CNTNAP2: variants seen among roughly 807,000 people sequenced by gnomAD.
CNTNAP2 encodes contactin associated protein 2, also known as contactin-associated protein-like 2.
CNTNAP2 carries 98 observed loss-of-function variants against 155.2 expected under a neutral mutation model. That is an observed-to-expected ratio of 0.63 (90% confidence interval 0.54 to 0.75). The LOEUF (loss-of-function observed/expected upper bound fraction) is 0.75, where lower values mean the gene tolerates loss of function less well. Among genes scored for constraint, CNTNAP2 ranks in the 30% least tolerant of loss-of-function variants. CNTNAP2 has a pLI of 0.00. For missense variants in CNTNAP2, 1,727 were observed against 1,688.1 expected, an observed-to-expected ratio of 1.02 and a Z score of -0.40; for synonymous variants, 651 against 631.2, an observed-to-expected ratio of 1.03 and a Z score of -0.47.
Position 147,120,656 on chromosome 7 carries a change from A to C in CNTNAP2, c.755-323A>C, listed in dbSNP as rs1404208406. 2.7e-5 allele frequency among the ~76,000 whole-genome samples: 4 copies of C among 150,812 alleles called. No homozygotes were observed. In the South Asian group the frequency reaches 8.4e-4, roughly 32 times the overall value. On this transcript the variant is annotated intron_variant, in intron 5 of 23. Coordinates refer to ENST00000361727, the MANE Select transcript of CNTNAP2 (RefSeq NM_014141.6). ...TTTCATTTATTATTATTATACTTTAAGTTTTAGGGTACATGTGCACAATGT... is the reference window on the plus strand; with the variant it reads ...TTTCATTTATTATTATTATACTTTACGTTTTAGGGTACATGTGCACAATGT...
chr7:146,752,589 G>A (rs569503961), intron 1 of CNTNAP2, among the ~76,000 whole-genome samples: 1 of 152,252 alleles, frequency 6.6e-6, no homozygotes, highest in Admixed American at 6.5e-5. Flanking sequence ...TCTGATGCTA[G>A]TTTCTTTTGC....
At chr7:147,794,810 C>T (rs1797868366) in intron 13 of CNTNAP2, among the ~76,000 whole-genome samples, 1 of 151,264 alleles carries the variant, frequency 6.6e-6, no homozygotes. Context: ...CTTTCTGGGT[C>T]AGTTTTGGTA....
chr7:148,199,571 T>C (rs1027652628), intron 18 of CNTNAP2, among the ~76,000 whole-genome samples: 1 of 152,196 alleles, frequency 6.6e-6, no homozygotes, highest in African/African-American at 2.4e-5. Flanking sequence ...TTTTCCTTTC[T>C]TGGACTCTAT....
At chr7:146,369,519 T>G (rs888897368) in intron 1 of CNTNAP2, among the ~76,000 whole-genome samples, 1 of 152,192 alleles carries the variant, frequency 6.6e-6, no homozygotes, top group African/African-American at 2.4e-5. Context: ...CATAGGAATT[T>G]ACGTTTTCAG....
intron 12 of CNTNAP2, among the ~76,000 whole-genome samples, chr7:147,575,927 G>A (rs1221490570): frequency 6.6e-6 from 1 of 151,902 alleles, no homozygotes; most frequent in Non-Finnish European, 1.5e-5. Context: ...AACACAAACA[G>A]ATATTAACAT....
At chr7:146,695,610 A>T (rs1381352074) in intron 1 of CNTNAP2, among the ~76,000 whole-genome samples, 1 of 151,810 alleles carries the variant, frequency 6.6e-6, no homozygotes, top group Non-Finnish European at 1.5e-5. Context: ...TTTTTTTTGT[A>T]GAGAAGGGGT....
At chr7:148,415,274 C>A in intron 23 of CNTNAP2, 143 bp from the exon 24 acceptor site, 1 of 878,524 alleles carries the variant, frequency 1.1e-6, no homozygotes, top group Non-Finnish European at 1.8e-6. Context: ...CATCTTACTT[C>A]ATTTTTGTTA....
rs571254959 is a variant in CNTNAP2, at chr7:147,565,857, G to T, written c.1897+3600G>T. On this transcript the variant is annotated intron_variant, in intron 12 of 23. Coordinates refer to ENST00000361727, the MANE Select transcript of CNTNAP2 (RefSeq NM_014141.6). The stretch of plus-strand genomic sequence containing the variant: ...ACTGAGATGCAAATTTTACAGTTGG[G>T]TGAGCCCCAAAAGCCTGATTGGGTT... 1.1e-4 allele frequency among the ~76,000 whole-genome samples: 17 copies of T among 152,212 alleles called. No homozygotes were observed. In the South Asian group the frequency reaches 3.5e-3, roughly 32 times the overall value.
intron 12 of CNTNAP2, among the ~76,000 whole-genome samples, chr7:147,591,293 AT>A (rs1026415771): frequency 6.6e-6 from 1 of 152,016 alleles, no homozygotes; most frequent in Non-Finnish European, 1.5e-5. Flanking sequence ...CTGTAGGTTT[AT>A]TTTTTTGTCT....
Position 146,827,266 on chromosome 7 carries a change from G to A in CNTNAP2, c.209-12445G>A, listed in dbSNP as rs908787075. 5.3e-5 allele frequency among the ~76,000 whole-genome samples: 8 copies of A among 151,990 alleles called. No individual in the cohort carries two copies. The East Asian group carries it at 1.2e-3, about 22-fold the overall frequency. On this transcript the variant is annotated intron_variant, in intron 2 of 23. Coordinates refer to ENST00000361727, the MANE Select transcript of CNTNAP2 (RefSeq NM_014141.6). Reference sequence around the variant, plus strand: ...TAATTTCTTGACTTAAAAACAATGGGCAATCCTAAGAGTTTACTTAGTACT... The same window carrying A: ...TAATTTCTTGACTTAAAAACAATGGACAATCCTAAGAGTTTACTTAGTACT...
intron 1 of CNTNAP2, among the ~76,000 whole-genome samples, chr7:146,618,805 C>T (rs1016701279): frequency 6.6e-6 from 1 of 152,088 alleles, no homozygotes; most frequent in Non-Finnish European, 1.5e-5. Flanking sequence ...CATGGTGGCT[C>T]ACGCCTGTAA....
chr7:146,312,771 A>G (rs1800846914), intron 1 of CNTNAP2, among the ~76,000 whole-genome samples: 1 of 152,134 alleles, frequency 6.6e-6, no homozygotes, highest in African/African-American at 2.4e-5. Flanking sequence ...TCTGAAATAG[A>G]CCACTTTAGA....
chr7:147,677,478 C>A (rs1795887704), intron 13 of CNTNAP2, among the ~76,000 whole-genome samples: 2 of 151,774 alleles, frequency 1.3e-5, no homozygotes, highest in South Asian at 4.1e-4. Flanking sequence ...TTTCTCTTTA[C>A]TCTGTTGATT....
intron 13 of CNTNAP2, among the ~76,000 whole-genome samples, chr7:147,696,802 T>C (rs1269453559): frequency 6.6e-6 from 1 of 152,154 alleles, no homozygotes; most frequent in Non-Finnish European, 1.5e-5. Flanking sequence ...GATTTTTTTT[T>C]TCTCCCAACA....
At chr7:146,936,430 A>T in intron 3 of CNTNAP2, among the ~76,000 whole-genome samples, 1 of 152,206 alleles carries the variant, frequency 6.6e-6, no homozygotes, top group South Asian at 2.1e-4. Flanking sequence ...CCACTGTTCT[A>T]CTGTTTTCCA....
At chr7:146,995,459 A>C (rs1798291416) in intron 3 of CNTNAP2, among the ~76,000 whole-genome samples, 1 of 152,080 alleles carries the variant, frequency 6.6e-6, no homozygotes, top group African/African-American at 2.4e-5. Context: ...TCAACAGTTG[A>C]TAAGACTTCT....
chr7:147,356,378 A>G (rs1796062062), intron 9 of CNTNAP2, among the ~76,000 whole-genome samples: 2 of 152,118 alleles, frequency 1.3e-5, no homozygotes, highest in Admixed American at 6.6e-5. Flanking sequence ...GGCACAAGAC[A>G]GGGATGGCCT....
At chr7:146,696,072 C>G (rs1800778286) in intron 1 of CNTNAP2, among the ~76,000 whole-genome samples, 1 of 151,962 alleles carries the variant, frequency 6.6e-6, no homozygotes, top group African/African-American at 2.4e-5. Flanking sequence ...AGGAAGTATT[C>G]CCTGTGTTTA....
chr7:146,236,552 G>A (rs1252196310), intron 1 of CNTNAP2, among the ~76,000 whole-genome samples: 1 of 152,034 alleles, frequency 6.6e-6, no homozygotes, highest in Non-Finnish European at 1.5e-5. Flanking sequence ...ATCATCTGAG[G>A]CTAGGTTGTG....
Sources: gnomAD v4.1 joint callset for allele counts (sites outside exome capture counted in the v4.1 genomes callset) on GRCh38, gnomAD v4.1.1 for gene constraint, MANE v1.5 for transcripts, NCBI Gene and HGNC (gene_info 2026-07-23, HGNC 2026-07-21) for gene names.